Variants in CTAG2 observed in about 807,000 individuals in gnomAD.
The protein encoded by CTAG2 is cancer/testis antigen 2.
In CTAG2, 5 loss-of-function variants were observed where a neutral mutation model predicts 5.7. The observed-to-expected ratio is 0.88, with a 90% confidence interval of 0.46 to 1.85. The LOEUF is 1.85. CTAG2 is among the 40% of genes most tolerant of loss of function. The pLI, the probability that CTAG2 is intolerant of heterozygous loss-of-function variation, is 0.01. For missense variants in CTAG2, 151 were observed against 169.9 expected, an observed-to-expected ratio of 0.89 and a Z score of 0.62; for synonymous variants, 63 against 80.9, an observed-to-expected ratio of 0.78 and a Z score of 1.19.
In CTAG2 at chrX:154,653,374, C is replaced by A. The variant is rs782275174; in HGVS notation, c.142G>T (p.Ala48Ser). 489 of 1,177,059 alleles carry A rather than the reference C, an allele frequency of 4.2e-4. 1 individual carries two copies. The highest frequency in any genetic ancestry group is 5.0e-4 in the Non-Finnish European group (444 of 879,905). ...GATGGRGPRG[A>S]GAARASGPRG... is the part of the protein sequence containing the mutation. ...GGCCCCGAGGCCCTTGCTGCCCCTG[C>A]GCCCCGGGGACCTCTGCCGCCCGTG... Residue 48 changes from alanine to serine, a missense_variant, in exon 1 of 3, where the codon GCA becomes TCA. Ala to Ser is a moderately conservative substitution (Grantham distance 99). Coordinates refer to ENST00000369585, the MANE Select transcript of CTAG2 (RefSeq NM_172377.5).
Position 154,653,328 on chromosome X carries a change from C to A in CTAG2, c.188G>T (p.Gly63Val), listed in dbSNP as rs1433583253. Residue 63 changes from glycine to valine, a missense_variant, in exon 1 of 3, where the codon GGT becomes GTT. Transcript: ENST00000369585. Reference protein sequence around the residue: ...ASGPRGGAPRGPHGGAASAQD... With the variant: ...ASGPRGGAPRVPHGGAASAQD... ...CGCAGAAGCGGCACCGCCATGCGGA[C>A]CCCGCGGGGCGCCTCCTCTCGGCCC... is the stretch of plus-strand genomic sequence containing the variant. 1.1e-5 allele frequency: 13 copies of A among 1,203,546 alleles called. No homozygotes were observed. The highest frequency in any genetic ancestry group is 3.0e-5 in the East Asian group (1 of 33,476).
At position 154,652,507 on chromosome X, in the gene CTAG2, G is replaced by C. The variant is rs782342647; in HGVS notation, c.394C>G (p.Leu132Val). ...VLKDFTVSGN[L>V]LFIRLTAADH... ...TGGTCCCGAACTGACATAAACAGTA[G>C]GTTGCCGGACACGGTGAAGTCCTTC... is the stretch of plus-strand genomic sequence containing the variant. Residue 132 changes from leucine (L) to valine (V), a missense_variant, in exon 2 of 3, where the codon CTA becomes GTA. By Grantham distance (32) the Leu-to-Val change is conservative. Around this residue, in one of 2 missense-constraint regions of CTAG2, gnomAD observed 147 missense variants for 151.0 expected, o/e 0.97. Coordinates refer to ENST00000369585, the MANE Select transcript of CTAG2 (RefSeq NM_172377.5). 5.0e-6 allele frequency: 6 copies of C among 1,209,239 alleles called. No individual in the cohort carries two copies. The South Asian group carries it at 5.3e-5, about 11-fold the overall frequency.
chrX:154,652,515 G>A lies in CTAG2; in HGVS notation c.386C>T (p.Ser129Phe). The change falls in exon 2 of 3, where the codon TCC becomes TTC. Residue 129 changes from serine to phenylalanine, a missense_variant. Physicochemically the swap from Ser to Phe is radical, Grantham distance 155 (BLOSUM62 -2). This residue lies in a region of CTAG2 where 147 missense variants were observed against 151.0 expected (regional missense o/e 0.97). Coordinates refer to ENST00000369585, the MANE Select transcript of CTAG2 (RefSeq NM_172377.5). Reference protein sequence around the residue: ...PGAVLKDFTVSGNLLFIRLTA... With the variant: ...PGAVLKDFTVFGNLLFIRLTA... ...AACTGACATAAACAGTAGGTTGCCG[G>A]ACACGGTGAAGTCCTTCAGAACCGC... The A allele has an allele frequency of 8.3e-7, 1 of 1,211,167 alleles. No individual in the cohort carries two copies. The highest frequency in any genetic ancestry group is 3.0e-5 in the East Asian group (1 of 33,791).
chrX:154,652,538 C>G lies in CTAG2; in HGVS notation c.363G>C (p.Ala121=), dbSNP rs782126941. ...CGGACACGGTGAAGTCCTTCAGAAC[C>G]GCCCCTGGTCGGGGGAGCGGTGCGG... The part of the protein sequence containing the change: ...RDAAPLPRPG[A]VLKDFTVSGN... The change falls in exon 2 of 3, where the codon GCG becomes GCC. Residue 121 remains alanine (A), a synonymous_variant. Coordinates refer to ENST00000369585, the MANE Select transcript of CTAG2 (RefSeq NM_172377.5). 6.6e-6 allele frequency: 8 copies of G among 1,209,043 alleles called. No homozygotes were observed. In the Admixed American group the frequency reaches 1.1e-4, roughly 17 times the overall value.
chrX:154,653,549 A>G lies in CTAG2; in HGVS notation c.-34T>C. 1.0e-6 allele frequency: 1 copy of G among 960,457 alleles called. No homozygotes were observed. Among genetic ancestry groups the G allele is most frequent in the South Asian group, 2.5e-5 (1 of 40,148 alleles). The allele number at this position is 960,457 out of a possible 1,213,427, so 79.2% of individuals were successfully genotyped here. A position where few individuals can be genotyped will look rare whatever the true frequency, so the allele number is the denominator to read the frequency against. ...AGCCTCTGCCCGGCTCTCAGAGAGA[A>G]GGTCAGGGCCCACGAGGATGCGGAG... On this transcript the variant is annotated 5_prime_UTR_variant, in exon 1 of 3. Transcript: ENST00000369585.
Position 154,653,255 on chromosome X carries a change from C to T in CTAG2, c.261G>A (p.Leu87=), listed in dbSNP as rs782333832. 8.3e-7 allele frequency: 1 copy of T among 1,208,865 alleles called. No homozygotes were observed. The highest frequency in any genetic ancestry group is 1.1e-6 in the Non-Finnish European group (1 of 894,311). Reference sequence around the variant, plus strand: ...AGAACAGAACAGGATACAACTCAAGCAGGCGGCTGTCCGGCCTCCTGGCCC... The same window carrying T: ...AGAACAGAACAGGATACAACTCAAGTAGGCGGCTGTCCGGCCTCCTGGCCC... ...PCGARRPDSR[L]LELHITMPFS... The change falls in exon 1 of 3, where the codon CTG becomes CTA. Residue 87 remains leucine, a synonymous_variant. Transcript: ENST00000369585.
chrX:154,652,622 C>T lies in CTAG2; in HGVS notation c.279G>A (p.Thr93=), dbSNP rs782156493. 7 of 1,194,428 alleles carry T rather than the reference C, an allele frequency of 5.9e-6. No individual in the cohort carries two copies. The South Asian group carries it at 1.1e-4, about 19-fold the overall frequency. ...CTTCCATGGGCGACGAGAAAGGCAT[C>T]GTGATGTGCCTGGTGGGGACCCAGT... is the stretch of plus-strand genomic sequence containing the variant. ...PDSRLLELHI[T]MPFSSPMEAE... Residue 93 remains threonine, a synonymous_variant, in exon 2 of 3, where the codon ACG becomes ACA. Transcript: ENST00000369585.
At chrX:154,653,167 C>A in intron 1 of CTAG2, 80 bp downstream of exon 1, 2 of 1,139,392 alleles carry the variant, frequency 1.8e-6, no homozygotes, top group East Asian at 6.2e-5. Context: ...CCCTGCCCCC[C>A]ACCTCTTGAC....
Position 154,652,336 on chromosome X carries a change from C to T in CTAG2, c.405-69G>A, listed in dbSNP as rs147744363. 2.9e-4 allele frequency: 348 copies of T among 1,209,355 alleles called. 2 individuals are homozygous for T. The highest frequency in any genetic ancestry group is 3.7e-4 in the Admixed American group (17 of 45,850). Reference sequence around the variant, plus strand: ...CTGCACCCATCTCCCTGGGCTCCCTCGGGTGGCGGCGGGCCTGGTGTACCA... The same window carrying T: ...CTGCACCCATCTCCCTGGGCTCCCTTGGGTGGCGGCGGGCCTGGTGTACCA... On this transcript the variant is annotated intron_variant, in intron 2 of 2. Transcript: ENST00000369585.
At chrX:154,652,724 C>T (rs2070164169) in intron 1 of CTAG2, 93 bp from the exon 2 acceptor site, 2 of 968,241 alleles carry the variant, frequency 2.1e-6, no homozygotes, top group Admixed American at 6.4e-5. Flanking sequence ...TGGCCCAGGT[C>T]CTGCAGCAAC....
Position 154,653,259 on chromosome X carries a change from C to T in CTAG2, c.257G>A (p.Arg86His), listed in dbSNP as rs782161068. The change falls in exon 1 of 3, where the codon CGC (arginine) becomes CAC (histidine). Residue 86 changes from arginine to histidine, a missense_variant. Coordinates refer to ENST00000369585, the MANE Select transcript of CTAG2 (RefSeq NM_172377.5). ...CAGAACAGGATACAACTCAAGCAGG[C>T]GGCTGTCCGGCCTCCTGGCCCCGCA... ...CPCGARRPDS[R>H]LLELHITMPF... is the part of the protein sequence containing the mutation. 9 of 1,205,612 alleles carry T rather than the reference C, an allele frequency of 7.5e-6. No homozygotes were observed. Among genetic ancestry groups the T allele is most frequent in the South Asian group, 7.1e-5 (4 of 56,403 alleles).
In CTAG2 at chrX:154,653,264, G is replaced by C. The variant is rs376281516; in HGVS notation, c.252C>G (p.Asp84Glu). The part of the protein sequence containing the change: ...GRCPCGARRP[D>E]SRLLELHITM... ...CAGGATACAACTCAAGCAGGCGGCTGTCCGGCCTCCTGGCCCCGCAGGGGC... is the reference window on the plus strand; with the variant it reads ...CAGGATACAACTCAAGCAGGCGGCTCTCCGGCCTCCTGGCCCCGCAGGGGC... Residue 84 changes from aspartate to glutamate, a missense_variant, in exon 1 of 3, where the codon GAC (aspartate) becomes GAG (glutamate). This residue lies in a region of CTAG2 where 147 missense variants were observed against 151.0 expected (regional missense o/e 0.97). Transcript: ENST00000369585. 36 of 1,205,763 alleles carry C rather than the reference G, an allele frequency of 3.0e-5. No homozygotes were observed. The highest frequency in any genetic ancestry group is 2.3e-4 in the Middle Eastern group (1 of 4,347).
rs1557241879 is a variant in CTAG2, at chrX:154,653,443, C to G, written c.73G>C (p.Asp25His). 3 of 1,133,686 alleles carry G rather than the reference C, an allele frequency of 2.6e-6. No homozygotes were observed. The East Asian group carries it at 1.0e-4, about 38-fold the overall frequency. 93.4% of individuals were successfully genotyped at this position (1,133,686 alleles called of 1,213,427 possible). Residue 25 changes from aspartate to histidine, a missense_variant, in exon 1 of 3, where the codon GAT (aspartate) becomes CAT (histidine). By Grantham distance (81) the Asp-to-His change is moderately conservative. Around this residue, in one of 2 missense-constraint regions of CTAG2, gnomAD observed 147 missense variants for 151.0 expected, o/e 0.97. Transcript: ENST00000369585. ...ADGPGGPGIP[D>H]GPGGNAGGPG... ...CCGCCAGCATTGCCCCCTGGGCCATCAGGAATGCCAGGGCCTCCTGGGCCA... is the reference window on the plus strand; with the variant it reads ...CCGCCAGCATTGCCCCCTGGGCCATGAGGAATGCCAGGGCCTCCTGGGCCA...
Position 154,653,570 on chromosome X carries a change from C to T in CTAG2, c.-55G>A, listed in dbSNP as rs1557241985. On this transcript the variant is annotated 5_prime_UTR_variant, in exon 1 of 3. Transcript: ENST00000369585. ...GAGAAGGTCAGGGCCCACGAGGATG[C>T]GGAGGCAGAGAGGCTGCAGGAAGTT... 2.1e-5 allele frequency: 18 copies of T among 875,239 alleles called. No homozygotes were observed. Among genetic ancestry groups the T allele is most frequent in the Middle Eastern group, 4.3e-4 (1 of 2,347 alleles). 72.1% of individuals were successfully genotyped at this position (875,239 alleles called of 1,213,427 possible).
chrX:154,652,079 C>T lies in CTAG2; in HGVS notation c.*50G>A. ...AATGAACTGGCCACTCGTGCTGGGA[C>T]CATTCCCTAGGGGAGGAGGCATGAC... On this transcript the variant is annotated 3_prime_UTR_variant, in exon 3 of 3. Coordinates refer to ENST00000369585, the MANE Select transcript of CTAG2 (RefSeq NM_172377.5). 1 of 1,196,942 alleles carries T rather than the reference C, an allele frequency of 8.4e-7. No homozygotes were observed. The highest frequency in any genetic ancestry group is 1.1e-6 in the Non-Finnish European group (1 of 888,496).
At chrX:154,652,808 C>T (rs1333459440) in intron 1 of CTAG2, among the ~76,000 whole-genome samples, 177 bp from the exon 2 acceptor site, 1 of 108,928 alleles carries the variant, frequency 9.2e-6, no homozygotes, top group African/African-American at 3.4e-5. Flanking sequence ...CTTCCAAGGC[C>T]CTCCCCACCA....
chrX:154,653,103 C>A, intron 1 of CTAG2, 144 bp downstream of exon 1: 1 of 334,448 alleles, frequency 3.0e-6, no homozygotes. Context: ...CGCCTTACCC[C>A]CATCTCCCAA....
intron 1 of CTAG2, among the ~76,000 whole-genome samples, chrX:154,653,028 C>T (rs1272722811): frequency 9.8e-6 from 1 of 102,240 alleles, no homozygotes; most frequent in African/African-American, 3.6e-5. Context: ...CATCCCCTAC[C>T]TACTCCCTTC....
rs868923995 is a variant in CTAG2 at position 154,652,512 on chromosome X, C to T, written c.389G>A (p.Gly130Asp). The T allele has an allele frequency of 8.3e-7, 1 of 1,211,222 alleles. No individual in the cohort carries two copies. Among genetic ancestry groups the T allele is most frequent in the Non-Finnish European group, 1.1e-6 (1 of 895,185 alleles). Reference protein sequence around the residue: ...GAVLKDFTVSGNLLFIRLTAA... With the variant: ...GAVLKDFTVSDNLLFIRLTAA... ...CCGAACTGACATAAACAGTAGGTTG[C>T]CGGACACGGTGAAGTCCTTCAGAAC... is the stretch of plus-strand genomic sequence containing the variant. Residue 130 changes from glycine to aspartate, a missense_variant, in exon 2 of 3, where the codon GGC (glycine) becomes GAC (aspartate). Gly to Asp is a moderately conservative substitution (Grantham distance 94). This residue lies in a region of CTAG2 where 147 missense variants were observed against 151.0 expected (regional missense o/e 0.97). Coordinates refer to ENST00000369585, the MANE Select transcript of CTAG2 (RefSeq NM_172377.5).
Sources: allele counts gnomAD v4.1 joint callset (sites outside exome capture counted in the v4.1 genomes callset), GRCh38; gene constraint gnomAD v4.1.1; regional missense constraint gnomAD v4.1.1; transcripts MANE v1.5; gene names NCBI Gene and HGNC (gene_info 2026-07-23, HGNC 2026-07-21).